The following PHACTR2 variants were observed in gnomAD, a reference collection of about 807,000 sequenced individuals.
PHACTR2 encodes chromosome 6 open reading frame 56.
PHACTR2 carries 30 observed loss-of-function variants against 76.0 expected under a neutral mutation model. That is an observed-to-expected ratio of 0.39 (90% CI 0.30 to 0.54). The LOEUF is 0.54. Among genes scored for constraint, PHACTR2 ranks in the 20% least tolerant of loss-of-function variants. The probability of loss-of-function intolerance (pLI) is 0.61; values close to 1 mark genes in which losing one functional copy is unlikely to be tolerated. For missense variants in PHACTR2, 696 were observed against 781.1 expected (o/e 0.89, Z 1.30); for synonymous variants, 292 against 292.5 (o/e 1.00, Z 0.02).
intron 1 of PHACTR2, among the ~76,000 whole-genome samples, chr6:143,577,100 G>A (rs563650146): frequency 6.6e-6 from 1 of 152,238 alleles, no homozygotes; most frequent in Non-Finnish European, 1.5e-5. Context: ...CTTTTGAGAA[G>A]TTGAATGAAA....
chr6:143,549,428 G>A lies in PHACTR2; in HGVS notation c.217+12221G>A, dbSNP rs1241701505. Reference sequence around the variant, plus strand: ...GTTTAGAGTTTGCATGAGGTCACATGTGATTATCCAGATCTGGATTTATTG... The same window carrying A: ...GTTTAGAGTTTGCATGAGGTCACATATGATTATCCAGATCTGGATTTATTG... On this transcript the variant is annotated intron_variant, in intron 1 of 11. Coordinates refer to the PHACTR2 transcript ENST00000367584. The surrounding 1 kb of genome is among the most constrained non-coding windows in gnomAD (Gnocchi z 4.2). 6.6e-6 allele frequency among the ~76,000 whole-genome samples: 1 copy of A among 152,018 alleles called. No individual in the cohort carries two copies. The highest frequency in any genetic ancestry group is 1.5e-5 in the Non-Finnish European group (1 of 67,966).
chr6:143,606,492 T>G (rs1432884841), upstream of PHACTR2, among the ~76,000 whole-genome samples: 1 of 152,196 alleles, frequency 6.6e-6, no homozygotes, highest in East Asian at 1.9e-4. Flanking sequence ...AGTCAGATTT[T>G]GAACTGTGGA....
intron 2 of PHACTR2, among the ~76,000 whole-genome samples, chr6:143,734,561 A>T (rs1362298795): frequency 6.6e-6 from 1 of 152,198 alleles, no homozygotes; most frequent in Non-Finnish European, 1.5e-5. Flanking sequence ...GATGCTACTG[A>T]TTTTGCTGAT....
chr6:143,607,337 T>C (rs1775892848), upstream of PHACTR2, among the ~76,000 whole-genome samples: 1 of 152,240 alleles, frequency 6.6e-6, no homozygotes, highest in Non-Finnish European at 1.5e-5. Flanking sequence ...GCCTGGCACC[T>C]GATTTCTCCA....
rs768064016 is a variant in PHACTR2, at chr6:143,589,712, C to G, written c.217+52505C>G. Reference sequence around the variant, plus strand: ...TTAATACCATCATCTCTTTTAAAGGCCCTATCTCCAAATACAGTCACATTT... The same window carrying G: ...TTAATACCATCATCTCTTTTAAAGGGCCTATCTCCAAATACAGTCACATTT... On this transcript the variant is annotated intron_variant, in intron 1 of 11. Coordinates refer to the PHACTR2 transcript ENST00000367584. The surrounding 1 kb of genome is among the most constrained non-coding windows in gnomAD (Gnocchi z 4.4). 1.3e-5 allele frequency among the ~76,000 whole-genome samples: 2 copies of G among 152,140 alleles called. No homozygotes were observed. The highest frequency in any genetic ancestry group is 2.9e-5 in the Non-Finnish European group (2 of 68,032).
Position 143,753,891 on chromosome 6 carries a change from G to A in PHACTR2, c.433G>A (p.Glu145Lys). 1 of 1,602,884 alleles carries A rather than the reference G, an allele frequency of 6.2e-7. No individual in the cohort carries two copies. The highest frequency in any genetic ancestry group is 2.2e-5 in the East Asian group (1 of 44,768). Residue 145 changes from glutamate to lysine, a missense_variant, in exon 4 of 13, where the codon GAA becomes AAA. Coordinates refer to ENST00000440869, the MANE Select transcript of PHACTR2 (RefSeq NM_001100164.2). This position sits in a 1 kb window ranked among gnomAD's most constrained non-coding sequence, Gnocchi z 4.6. ...ATCTGAAAAAACACCACCTCTGGAG[G>A]AACAGGCAGAAGATAAGAAAGGTAA... ...SVSEKTPPLE[E>K]QAEDKKENTE... is the part of the protein sequence containing the mutation.
At chr6:143,714,800 A>C (rs940642840) in intron 2 of PHACTR2, among the ~76,000 whole-genome samples, 5 of 152,182 alleles carry the variant, frequency 3.3e-5, no homozygotes, top group Non-Finnish European at 7.3e-5. Flanking sequence ...CTATTGTTAG[A>C]ACTCAAAATG....
rs1010929587 is a variant in PHACTR2 at position 143,623,003 on chromosome 6, T to A, written c.13+14681T>A. 4.6e-5 allele frequency among the ~76,000 whole-genome samples: 7 copies of A among 152,222 alleles called. No homozygotes were observed. Among genetic ancestry groups the A allele is most frequent in the African/African-American group, 1.7e-4 (7 of 41,456 alleles). ...TTCACCTAAAGAAGGCTCAGTCTAG[T>A]GACATTGTTTATCCATTTGCTTTGA... On this transcript the variant is annotated intron_variant, in intron 1 of 11. Coordinates refer to the PHACTR2 transcript ENST00000305766. This position sits in a 1 kb window ranked among gnomAD's most constrained non-coding sequence, Gnocchi z 5.9.
rs1456674665 is a variant in PHACTR2, at chr6:143,757,499, C to G, written c.455-2902C>G. Among the ~76,000 whole-genome samples the G allele has an allele frequency of 6.6e-6, 1 of 152,184 alleles. No individual in the cohort carries two copies. The highest frequency in any genetic ancestry group is 1.5e-5 in the Non-Finnish European group (1 of 68,042). Reference sequence around the variant, plus strand: ...GCAGGGTGAGGACCACATGCAGCCCCAGGCTTGTTCTAAGTATCGTTGACC... The same window carrying G: ...GCAGGGTGAGGACCACATGCAGCCCGAGGCTTGTTCTAAGTATCGTTGACC... On this transcript the variant is annotated intron_variant, in intron 4 of 12. Transcript: ENST00000440869. This position sits in a 1 kb window ranked among gnomAD's most constrained non-coding sequence, Gnocchi z 4.2.
At chr6:143,568,647 A>C (rs931986818) in intron 1 of PHACTR2, among the ~76,000 whole-genome samples, 9 of 152,232 alleles carry the variant, frequency 5.9e-5, no homozygotes, top group African/African-American at 1.9e-4. Context: ...TTATAAATGG[A>C]GCTGAGAATC....
In PHACTR2 at chr6:143,787,286, A is replaced by G. The variant is rs1775578574; in HGVS notation, c.1708-1487A>G. 1.3e-5 allele frequency among the ~76,000 whole-genome samples: 2 copies of G among 152,222 alleles called. No individual in the cohort carries two copies. Among genetic ancestry groups the G allele is most frequent in the Non-Finnish European group, 2.9e-5 (2 of 68,040 alleles). ...TATTGCCATTGGTCACTTTCCTTCT[A>G]GCCAGTTCTTAGGAGCAAGGGCTTC... On this transcript the variant is annotated intron_variant, in intron 10 of 12. Coordinates refer to ENST00000440869, the MANE Select transcript of PHACTR2 (RefSeq NM_001100164.2). The surrounding 1 kb of genome is among the most constrained non-coding windows in gnomAD (Gnocchi z 4.6).
At position 143,627,426 on chromosome 6, in the gene PHACTR2, T is replaced by A. The variant is rs1390660080; in HGVS notation, c.13+19104T>A. Among the ~76,000 whole-genome samples, 1 of 152,234 alleles carries A rather than the reference T, an allele frequency of 6.6e-6. No homozygotes were observed. Among genetic ancestry groups the A allele is most frequent in the Admixed American group, 6.5e-5 (1 of 15,286 alleles). On this transcript the variant is annotated intron_variant, in intron 1 of 11. Coordinates refer to the PHACTR2 transcript ENST00000305766. This position sits in a 1 kb window ranked among gnomAD's most constrained non-coding sequence, Gnocchi z 4.3. ...TTAATTTCATAAATATTTATTGAGT[T>A]CCTAATTATGGGTAATATACTCAGC...
intron 2 of PHACTR2, among the ~76,000 whole-genome samples, chr6:143,721,371 C>A (rs1778438608): frequency 6.6e-6 from 1 of 152,286 alleles, no homozygotes; most frequent in South Asian, 2.1e-4. Context: ...AATATTTATT[C>A]AAATACAGCC....
At position 143,787,730 on chromosome 6, in the gene PHACTR2, T is replaced by C. The variant is rs1775586892; in HGVS notation, c.1708-1043T>C. On this transcript the variant is annotated intron_variant, in intron 10 of 12. Transcript: ENST00000440869. The surrounding 1 kb of genome is among the most constrained non-coding windows in gnomAD (Gnocchi z 4.6). ...GAGTTCAAGACCAGCCTGAGCAACA[T>C]AGAGAGACCCCCCACCCACTCTGTT... Among the ~76,000 whole-genome samples, 1 of 151,650 alleles carries C rather than the reference T, an allele frequency of 6.6e-6. No individual in the cohort carries two copies. Among genetic ancestry groups the C allele is most frequent in the Admixed American group, 6.6e-5 (1 of 15,232 alleles).
In PHACTR2 at chr6:143,801,207, T is replaced by C. The variant is rs1306653216; in HGVS notation, c.1846-5850T>C. Among the ~76,000 whole-genome samples, 1 of 152,126 alleles carries C rather than the reference T, an allele frequency of 6.6e-6. No homozygotes were observed. Among genetic ancestry groups the C allele is most frequent in the Non-Finnish European group, 1.5e-5 (1 of 68,030 alleles). Reference sequence around the variant, plus strand: ...CTCTTCTCGGGCAATCTCTTTGTGGTGTATTCTCTGTATTTCCTGAATTTG... The same window carrying C: ...CTCTTCTCGGGCAATCTCTTTGTGGCGTATTCTCTGTATTTCCTGAATTTG... On this transcript the variant is annotated intron_variant, in intron 11 of 12. Coordinates refer to ENST00000440869, the MANE Select transcript of PHACTR2 (RefSeq NM_001100164.2). The surrounding 1 kb of genome is among the most constrained non-coding windows in gnomAD (Gnocchi z 4.6).
Position 143,549,930 on chromosome 6 carries a change from A to G in PHACTR2, c.217+12723A>G, listed in dbSNP as rs1463509068. ...GATCACTTTGCTGCACTGTTAATAG[A>G]CAATAGGCAACAAAGGCACACCACA... On this transcript the variant is annotated intron_variant, in intron 1 of 11. Transcript: ENST00000367584. The surrounding 1 kb of genome is among the most constrained non-coding windows in gnomAD (Gnocchi z 4.2). 1.3e-5 allele frequency among the ~76,000 whole-genome samples: 2 copies of G among 151,950 alleles called. No homozygotes were observed. The highest frequency in any genetic ancestry group is 2.9e-5 in the Non-Finnish European group (2 of 67,950).
chr6:143,559,685 CTTTTCTTTTTTTT>C (rs1775234436), intron 1 of PHACTR2, among the ~76,000 whole-genome samples: 1 of 38,106 alleles, frequency 2.6e-5, no homozygotes, highest in African/African-American at 1.2e-4. Flanking sequence ...AGTGATTTTT[CTTTTCTTTTTTTT>C]TTTTTTTTTT....
In PHACTR2 at chr6:143,735,322, T is replaced by C. The variant is rs562435744; in HGVS notation, c.215-13663T>C. On this transcript the variant is annotated intron_variant, in intron 2 of 12. Coordinates refer to ENST00000440869, the MANE Select transcript of PHACTR2 (RefSeq NM_001100164.2). ...CATGATTGGAAAGAAGACTAGATAT[T>C]AGAAAATTATTAGAAAACTGATTAT... Among the ~76,000 whole-genome samples, 74 of 152,334 alleles carry C rather than the reference T, an allele frequency of 4.9e-4. 1 individual carries two copies. Among genetic ancestry groups the C allele is most frequent in the Middle Eastern group, 3.4e-3 (1 of 294 alleles).
chr6:143,598,075 C>T lies in PHACTR2; in HGVS notation c.217+60868C>T, dbSNP rs1383013404. ...TTAAGACAGTGATGATATAGTAGGT[C>T]GAAGAATGCCCCCCGCGCCCCCAAA... On this transcript the variant is annotated intron_variant, in intron 1 of 11. Transcript: ENST00000367584. The surrounding 1 kb of genome is among the most constrained non-coding windows in gnomAD (Gnocchi z 4.1). 2.0e-5 allele frequency among the ~76,000 whole-genome samples: 3 copies of T among 152,020 alleles called. No homozygotes were observed. The East Asian group carries it at 5.8e-4, about 29-fold the overall frequency.
Sources: allele counts gnomAD v4.1 joint callset (sites outside exome capture counted in the v4.1 genomes callset), GRCh38; gene constraint gnomAD v4.1.1; non-coding constraint Gnocchi (gnomAD v3.1); transcripts MANE v1.5; gene names NCBI Gene and HGNC (gene_info 2026-07-23, HGNC 2026-07-21).